The following NR1I3 variants were observed in gnomAD, a reference collection of about 807,000 sequenced individuals.
NR1I3 encodes constitutive activator of retinoid response.
In NR1I3, 30 loss-of-function variants were observed where a neutral mutation model predicts 38.4. The ratio of observed to expected loss-of-function variants is 0.78; its 90% CI spans 0.58 to 1.06. The LOEUF (loss-of-function observed/expected upper bound fraction) is 1.06, where lower values mean the gene tolerates loss of function less well. Ranked by LOEUF, NR1I3 falls within the 50% of genes least tolerant of loss-of-function variation. NR1I3 has a pLI of 0.00. For synonymous variants in NR1I3, 143 were observed against 165.1 expected (o/e 0.87, Z 1.03); for missense variants, 388 against 435.7 (o/e 0.89, Z 0.97).
At chr1:161,230,961 G>C (rs1382777940) in intron 7 of NR1I3, 43 bp from the exon 8 acceptor site, 1 of 1,613,182 alleles carries the variant, frequency 6.2e-7, no homozygotes, top group Non-Finnish European at 8.5e-7. Context: ...GGTGGCAGGG[G>C]TGGGCCTGCG....
chr1:161,238,177 G>A lies in NR1I3; in HGVS notation c.-170C>T, dbSNP rs1350473539. 18 of 1,564,116 alleles carry A rather than the reference G, an allele frequency of 1.2e-5. No individual in the cohort carries two copies. The highest frequency in any genetic ancestry group is 4.6e-5 in the South Asian group (4 of 87,278). Reference sequence around the variant, plus strand: ...TGATTGGAGTTAGGGATTATGACCCGTAGTATCTGGAAAACAAGAGATGTC... The same window carrying A: ...TGATTGGAGTTAGGGATTATGACCCATAGTATCTGGAAAACAAGAGATGTC... On this transcript the variant is annotated 5_prime_UTR_variant, in exon 1 of 9. In the 5' UTR this introduces an upstream ATG that the reference lacks. Coordinates refer to ENST00000367983, the MANE Select transcript of NR1I3 (RefSeq NM_005122.5).
chr1:161,235,683 G>A lies in NR1I3; in HGVS notation c.238+164C>T, dbSNP rs890579577. The A allele has an allele frequency of 2.0e-5, 15 of 738,506 alleles. No individual in the cohort carries two copies. In the Admixed American group the frequency reaches 2.7e-4, roughly 13 times the overall value. The allele number at this position is 738,506 out of a possible 1,614,324, so 45.7% of individuals were successfully genotyped here. A position where few individuals can be genotyped will look rare whatever the true frequency, so the allele number is the denominator to read the frequency against. Reference sequence around the variant, plus strand: ...TGGGAGAGCTAGATCATGAGATCACGTACTTTGAGATGGGGAGCCATTGGA... The same window carrying A: ...TGGGAGAGCTAGATCATGAGATCACATACTTTGAGATGGGGAGCCATTGGA... On this transcript the variant is annotated intron_variant, in intron 3 of 8. Coordinates refer to ENST00000367983, the MANE Select transcript of NR1I3 (RefSeq NM_005122.5).
chr1:161,232,709 G>C (rs969647122), intron 5 of NR1I3, 98 bp downstream of exon 5: 10 of 1,209,378 alleles, frequency 8.3e-6, no homozygotes, highest in Middle Eastern at 1.9e-4. Flanking sequence ...GCTTGGAAAG[G>C]CTGACGCATG....
intron 5 of NR1I3, among the ~76,000 whole-genome samples, chr1:161,231,707 G>A (rs1424190150): frequency 6.6e-5 from 10 of 152,052 alleles, no homozygotes; most frequent in Non-Finnish European, 4.4e-5. Context: ...TCACCATGTT[G>A]GCCAGGCTGG....
At position 161,233,160 on chromosome 1, in the gene NR1I3, G is replaced by A. The variant is rs763372503; in HGVS notation, c.408+9C>T. On this transcript the variant is annotated intron_variant, in intron 4 of 8. Transcript: ENST00000367983. Reference sequence around the variant, plus strand: ...GTTGTATTCCAACCCAAATCCTGTCGGTGCTCACCCTAAACTGCACAAACT... The same window carrying A: ...GTTGTATTCCAACCCAAATCCTGTCAGTGCTCACCCTAAACTGCACAAACT... The A allele has an allele frequency of 7.4e-6, 12 of 1,611,032 alleles. No individual in the cohort carries two copies. The highest frequency in any genetic ancestry group is 5.3e-5 in the African/African-American group (4 of 74,824).
chr1:161,236,862 G>T (rs1668694501), intron 1 of NR1I3, among the ~76,000 whole-genome samples: 1 of 151,816 alleles, frequency 6.6e-6, no homozygotes, highest in African/African-American at 2.4e-5. Flanking sequence ...GAGTAGCAGG[G>T]ACTACAGGTC....
chr1:161,233,283 C>T lies in NR1I3; in HGVS notation c.294G>A (p.Arg98=). The change falls in exon 4 of 9, where the codon CGG becomes CGA. Residue 98 remains arginine, a synonymous_variant. Transcript: ENST00000367983. The part of the protein sequence containing the change: ...ALRRAKQAQR[R]AQQTPVQLSK... The stretch of plus-strand genomic sequence containing the variant: ...TCAGTTGCACAGGTGTTTGCTGTGC[C>T]CGCCGCTGGGCCTGCTTTGCTCGCC... The T allele has an allele frequency of 6.2e-7, 1 of 1,614,182 alleles. No individual in the cohort carries two copies. The highest frequency in any genetic ancestry group is 8.5e-7 in the Non-Finnish European group (1 of 1,180,040).
intron 3 of NR1I3, among the ~76,000 whole-genome samples, chr1:161,233,875 G>C (rs867931477): frequency 7.1e-6 from 1 of 141,414 alleles, no homozygotes; most frequent in African/African-American, 2.9e-5. Flanking sequence ...GTGTGTGTGT[G>C]TGTGTGTGTG....
At chr1:161,233,442 A>T in intron 3 of NR1I3, 104 bp from the exon 4 acceptor site, 1 of 1,231,124 alleles carries the variant, frequency 8.1e-7, no homozygotes, top group Non-Finnish European at 1.1e-6. Context: ...ACAACGAAGG[A>T]TGGGGGCAGT....
chr1:161,236,144 G>A, intron 2 of NR1I3, 167 bp from the exon 3 acceptor site: 1 of 766,996 alleles, frequency 1.3e-6, no homozygotes, highest in Non-Finnish European at 2.0e-6. Flanking sequence ...GCATTTCCAT[G>A]GCAACACAGG....
At chr1:161,230,982 G>A (rs769233477) in intron 7 of NR1I3, 64 bp from the exon 8 acceptor site, 16 of 1,612,836 alleles carry the variant, frequency 9.9e-6, no homozygotes, top group Non-Finnish European at 1.3e-5. Flanking sequence ...TGGTGCCCCG[G>A]GGACTGAGGC....
intron 3 of NR1I3, 37 bp from the exon 4 acceptor site, chr1:161,233,375 A>G: frequency 6.3e-7 from 1 of 1,599,330 alleles, no homozygotes; most frequent in East Asian, 2.2e-5. Flanking sequence ...AGCTGTTGAG[A>G]CCAGCAGAGC....
chr1:161,236,631 G>T, intron 1 of NR1I3, 33 bp from the exon 2 acceptor site: 1 of 1,601,090 alleles, frequency 6.2e-7, no homozygotes, highest in Non-Finnish European at 8.5e-7. Flanking sequence ...GTCAGTTTTG[G>T]GCCACCCTTG....
rs1666691118 is a variant in NR1I3, at chr1:161,229,839, G to T, written c.1005C>A (p.Gly335=). The change falls in exon 9 of 9, where the codon GGC becomes GGA. Residue 335 remains glycine, a synonymous_variant. Coordinates refer to ENST00000367983, the MANE Select transcript of NR1I3 (RefSeq NM_005122.5). Reference sequence around the variant, plus strand: ...GGAGCAGCGGCATCATGGCAGACAGGCCCTGGATGTGCTGGATTTGGTACC... The same window carrying T: ...GGAGCAGCGGCATCATGGCAGACAGTCCCTGGATGTGCTGGATTTGGTACC... ...AYGYQIQHIQ[G]LSAMMPLLQE... 6.2e-7 allele frequency: 1 copy of T among 1,614,064 alleles called. No homozygotes were observed. Among genetic ancestry groups the T allele is most frequent in the Non-Finnish European group, 8.5e-7 (1 of 1,180,042 alleles).
At chr1:161,237,756 C>CA (rs567916476) in intron 1 of NR1I3, among the ~76,000 whole-genome samples, 58 of 151,960 alleles carry the variant, frequency 3.8e-4, no homozygotes, top group Non-Finnish European at 6.2e-4. Flanking sequence ...AACAAAAAAA[C>CA]AAAAAAACAA....
chr1:161,233,837 ATGTGTGTGTGTG>A (rs761756944), intron 3 of NR1I3, among the ~76,000 whole-genome samples: 16,627 of 118,480 alleles, frequency 0.14, 1,266 homozygotes, highest in East Asian at 0.38. Context: ...TCATATATAT[ATGTGTGTGTGTG>A]TGTGTGTGTG....
chr1:161,232,142 A>G (rs1667474210), intron 5 of NR1I3, among the ~76,000 whole-genome samples: 1 of 150,502 alleles, frequency 6.6e-6, no homozygotes, highest in Non-Finnish European at 1.5e-5. Context: ...GCCCACCACC[A>G]CACCCAGCTA....
chr1:161,234,543 G>C (rs1365667013), intron 3 of NR1I3, among the ~76,000 whole-genome samples: 2 of 152,100 alleles, frequency 1.3e-5, no homozygotes, highest in Non-Finnish European at 2.9e-5. Context: ...AGGTAAACTT[G>C]AGTTTGAATA....
In NR1I3 at chr1:161,236,473, G is replaced by A. The variant is rs1485647618; in HGVS notation, c.93C>T (p.Cys31=). ...GAGACTCTCACCTGAAGAAACCCTT[G>A]CAGCCCTCACAAGTCAGCGCATTAA... is the stretch of plus-strand genomic sequence containing the variant. ...YHFNALTCEG[C]KGFFRRTVSK... The change falls in exon 2 of 9, where the codon TGC becomes TGT. Residue 31 remains cysteine, a synonymous_variant. Coordinates refer to ENST00000367983, the MANE Select transcript of NR1I3 (RefSeq NM_005122.5). 3 of 1,614,042 alleles carry A rather than the reference G, an allele frequency of 1.9e-6. No individual in the cohort carries two copies. The highest frequency in any genetic ancestry group is 2.5e-6 in the Non-Finnish European group (3 of 1,180,040).
Sources: gnomAD v4.1 joint callset for allele counts (sites outside exome capture counted in the v4.1 genomes callset) on GRCh38, gnomAD v4.1.1 for gene constraint, MANE v1.5 for transcripts, NCBI Gene and HGNC (gene_info 2026-07-23, HGNC 2026-07-21) for gene names.